DGCR2: variants seen among roughly 807,000 people sequenced by gnomAD.
The protein encoded by DGCR2 is DiGeorge syndrome critical region gene 2.
In DGCR2, 24 loss-of-function variants were observed where a neutral mutation model predicts 51.6. That is an observed-to-expected ratio of 0.47 (90% CI 0.34 to 0.65). The LOEUF (loss-of-function observed/expected upper bound fraction) is 0.65, where lower values mean the gene tolerates loss of function less well. Ranked by LOEUF, DGCR2 falls within the 30% of genes least tolerant of loss-of-function variation. DGCR2 has a pLI of 0.01. For missense variants in DGCR2, 765 were observed against 772.1 expected, an observed-to-expected ratio of 0.99 and a Z score of 0.11; for synonymous variants, 340 against 315.4, an observed-to-expected ratio of 1.08 and a Z score of -0.82.
At chr22:19,069,234 G>A (rs2145977220) in intron 2 of DGCR2, among the ~76,000 whole-genome samples, 1 of 152,358 alleles carries the variant, frequency 6.6e-6, no homozygotes, top group Non-Finnish European at 1.5e-5. Context: ...CCCAAGGGAG[G>A]TCACAGGGAG....
Position 19,038,963 on chromosome 22 carries a change from C to T in DGCR2, c.1555G>A (p.Val519Met), listed in dbSNP as rs138506410. 1.1e-4 allele frequency: 179 copies of T among 1,611,686 alleles called. 1 individual carries two copies. Among genetic ancestry groups the T allele is most frequent in the Admixed American group, 1.3e-4 (8 of 59,808 alleles). Residue 519 changes from valine to methionine, a missense_variant, in exon 10 of 10, where the codon GTG (valine) becomes ATG (methionine). Val to Met is a conservative substitution (Grantham distance 21, BLOSUM62 1). Transcript: ENST00000263196. The stretch of plus-strand genomic sequence containing the variant: ...CCGCTCTGGGCAGGGTCAGGGGGCA[C>T]GAGCAGGGCGCTGCTGCTGTCGGCA... The part of the protein sequence containing the change: ...DSADSSSALL[V>M]PPDPAQSGST...
At chr22:19,040,957 G>A (rs2082423781) in intron 9 of DGCR2, 101 bp downstream of exon 9, 14 of 1,063,652 alleles carry the variant, frequency 1.3e-5, no homozygotes, top group Non-Finnish European at 1.9e-5. Context: ...CCGGAAAGAA[G>A]TGAGGTCCCT....
intron 1 of DGCR2, among the ~76,000 whole-genome samples, chr22:19,119,329 T>C (rs1180960865): frequency 6.6e-6 from 1 of 152,156 alleles, no homozygotes; most frequent in Non-Finnish European, 1.5e-5. Context: ...TTCCCCATCT[T>C]TAAATGAGGC....
intron 1 of DGCR2, among the ~76,000 whole-genome samples, chr22:19,116,817 A>G (rs936588958): frequency 2.6e-5 from 4 of 152,072 alleles, no homozygotes; most frequent in African/African-American, 7.2e-5. Flanking sequence ...CCAGCAGGAG[A>G]GAGTCAATAA....
At chr22:19,087,474 C>T (rs954691517) in intron 2 of DGCR2, among the ~76,000 whole-genome samples, 3 of 152,284 alleles carry the variant, frequency 2.0e-5, no homozygotes, top group Admixed American at 6.5e-5. Context: ...ACTGCAACCT[C>T]TACCTCCTGG....
intron 2 of DGCR2, among the ~76,000 whole-genome samples, chr22:19,075,935 G>C (rs186930496): frequency 1.3e-5 from 2 of 152,162 alleles, no homozygotes; most frequent in East Asian, 3.9e-4. Flanking sequence ...ATTCTTTGGA[G>C]TCGAACTGCT....
At chr22:19,117,393 G>C (rs554277266) in intron 1 of DGCR2, among the ~76,000 whole-genome samples, 5 of 152,336 alleles carry the variant, frequency 3.3e-5, no homozygotes, top group African/African-American at 1.2e-4. Flanking sequence ...CTCCACCTGG[G>C]CCAACCTGGG....
chr22:19,059,566 G>C (rs2082638226), intron 5 of DGCR2, among the ~76,000 whole-genome samples: 1 of 152,198 alleles, frequency 6.6e-6, no homozygotes, highest in South Asian at 2.1e-4. Flanking sequence ...AGTTCCTCGT[G>C]CAGAGCCCTC....
intron 1 of DGCR2, among the ~76,000 whole-genome samples, chr22:19,114,283 T>C (rs1296017366): frequency 6.6e-6 from 1 of 152,118 alleles, no homozygotes; most frequent in African/African-American, 2.4e-5. Context: ...TGTTAGCAAA[T>C]GTGAAGAAAT....
chr22:19,044,611 C>T (rs1440925292), intron 7 of DGCR2, among the ~76,000 whole-genome samples: 1 of 152,172 alleles, frequency 6.6e-6, no homozygotes, highest in African/African-American at 2.4e-5. Flanking sequence ...GGGCAGAGGG[C>T]GGCATGAGTT....
Position 19,058,254 on chromosome 22 carries a change from C to T in DGCR2, c.626-1092G>A, listed in dbSNP as rs540466143. ...GGACAGCTCTCAGGAAGCTCTGAGACCTGCAAGACCTGTGCCAGGCCAGCA... is the reference window on the plus strand; with the variant it reads ...GGACAGCTCTCAGGAAGCTCTGAGATCTGCAAGACCTGTGCCAGGCCAGCA... On this transcript the variant is annotated intron_variant, in intron 5 of 9. Transcript: ENST00000263196. 1.2e-3 allele frequency among the ~76,000 whole-genome samples: 181 copies of T among 152,348 alleles called. 3 individuals carry two copies. The highest frequency in any genetic ancestry group is 1.4e-3 in the Admixed American group (21 of 15,314).
intron 1 of DGCR2, among the ~76,000 whole-genome samples, chr22:19,091,035 T>G (rs950490090): frequency 5.3e-5 from 8 of 151,258 alleles, no homozygotes; most frequent in Non-Finnish European, 1.2e-4. Context: ...AAAAAAGATA[T>G]ACCATGTTAA....
intron 2 of DGCR2, among the ~76,000 whole-genome samples, chr22:19,084,141 C>A (rs2082977798): frequency 6.6e-6 from 1 of 152,182 alleles, no homozygotes; most frequent in Non-Finnish European, 1.5e-5. Context: ...CCGGCCACCA[C>A]CCCGTCTGGG....
chr22:19,072,150 T>G (rs1052590748), intron 2 of DGCR2, among the ~76,000 whole-genome samples: 6 of 152,170 alleles, frequency 3.9e-5, no homozygotes, highest in Non-Finnish European at 7.3e-5. Flanking sequence ...GTGTCTGGGT[T>G]AGGGGACACC....
At position 19,037,830 on chromosome 22, in the gene DGCR2, T is replaced by C. The variant is rs2146295874; in HGVS notation, c.*1035A>G. 1 of 152,252 alleles carries C rather than the reference T, an allele frequency of 6.6e-6. No individual in the cohort carries two copies. Among genetic ancestry groups the C allele is most frequent in the East Asian group, 2.0e-4 (1 of 5,118 alleles). The allele number at this position is 152,252 out of a possible 1,614,324, so 9.4% of individuals were successfully genotyped here. On this transcript the variant is annotated 3_prime_UTR_variant, in exon 10 of 10. Transcript: ENST00000263196. ...GCGCTGCTGAGGAGGGGCCGGGAGGTGTGCATGCGGCCGCTGGGCACTGAG... is the reference window on the plus strand; with the variant it reads ...GCGCTGCTGAGGAGGGGCCGGGAGGCGTGCATGCGGCCGCTGGGCACTGAG...
At chr22:19,047,557 A>G (rs911946538) in intron 7 of DGCR2, 1 of 152,184 alleles carries the variant, frequency 6.6e-6, no homozygotes, top group Admixed American at 6.5e-5. Flanking sequence ...ATTTCTCTTG[A>G]GATCTGAATT....
In DGCR2 at chr22:19,057,140, G is replaced by A. The variant is rs1441844358; in HGVS notation, c.648C>T (p.Pro216=). The A allele has an allele frequency of 1.9e-6, 3 of 1,607,454 alleles. No homozygotes were observed. Among genetic ancestry groups the A allele is most frequent in the Non-Finnish European group, 1.7e-6 (2 of 1,177,050 alleles). The change falls in exon 6 of 10, where the codon CCC becomes CCT. Residue 216 remains proline (P), a synonymous_variant. Transcript: ENST00000263196. The surrounding 1 kb of genome is among the most constrained non-coding windows in gnomAD (Gnocchi z 5.1). The part of the protein sequence containing the change: ...AFKGSSEVFL[P]PDPIFASAMS... ...TGGCCGAGGCAAAGATGGGGTCTGGGGGCAGGAACACCTCTGAAGAGCCTG... is the reference window on the plus strand; with the variant it reads ...TGGCCGAGGCAAAGATGGGGTCTGGAGGCAGGAACACCTCTGAAGAGCCTG...
chr22:19,048,014 G>A (rs1192846734), intron 7 of DGCR2: 1 of 231,826 alleles, frequency 4.3e-6, no homozygotes. Flanking sequence ...ACAACATGGC[G>A]AAACCCCGTC....
chr22:19,066,440 A>AAAC (rs1031103230), intron 3 of DGCR2, among the ~76,000 whole-genome samples: 1 of 152,108 alleles, frequency 6.6e-6, no homozygotes, highest in African/African-American at 2.4e-5. Context: ...AAACAAAAAA[A>AAAC]AACAAAACAA....
Sources: gnomAD v4.1 joint callset for allele counts (sites outside exome capture counted in the v4.1 genomes callset) on GRCh38, gnomAD v4.1.1 for gene constraint, Gnocchi (gnomAD v3.1) non-coding constraint, MANE v1.5 for transcripts, NCBI Gene and HGNC (gene_info 2026-07-23, HGNC 2026-07-21) for gene names.